GOLPH3L: variants seen among roughly 807,000 people sequenced by gnomAD.
GOLPH3L encodes the protein golgi phosphoprotein 3 like.
Under a neutral mutation model 30.3 loss-of-function variants are expected in GOLPH3L, and 22 were observed. The ratio of observed to expected loss-of-function variants is 0.73; its 90% CI spans 0.52 to 1.04. The LOEUF (loss-of-function observed/expected upper bound fraction) is 1.04, where lower values mean the gene tolerates loss of function less well. Among genes scored for constraint, GOLPH3L ranks in the 50% least tolerant of loss-of-function variants. GOLPH3L has a pLI of 0.00. For synonymous variants in GOLPH3L, 120 were observed against 128.2 expected (o/e 0.94, Z 0.43); for missense variants, 303 against 345.8 (o/e 0.88, Z 0.98).
chr1:150,656,825 C>T (rs984116275), intron 4 of GOLPH3L, among the ~76,000 whole-genome samples: 3 of 152,064 alleles, frequency 2.0e-5, no homozygotes, highest in South Asian at 2.1e-4. Context: ...TGGGTATTCT[C>T]GATAATCATT....
In GOLPH3L at chr1:150,694,864, T is replaced by TG. The variant is rs753366179; in HGVS notation, c.-12-15dup. ...TCTCACCTGTTTCTGGAGGGAGTGGTGAAAAAAAAAATCCATATGTATGCT... is the reference window on the plus strand; with the variant it reads ...TCTCACCTGTTTCTGGAGGGAGTGGTGGAAAAAAAAAATCCATATGTATGCT... On this transcript the variant is annotated splice_polypyrimidine_tract_variant and intron_variant, in intron 1 of 4. Coordinates refer to ENST00000271732, the MANE Select transcript of GOLPH3L (RefSeq NM_018178.6). The TG allele has an allele frequency of 3.7e-5, 55 of 1,498,726 alleles. No individual in the cohort carries two copies. Among genetic ancestry groups the TG allele is most frequent in the Non-Finnish European group, 4.9e-5 (54 of 1,106,424 alleles). 92.8% of individuals were successfully genotyped at this position (1,498,726 alleles called of 1,614,324 possible). A position where few individuals can be genotyped will look rare whatever the true frequency, so the allele number is the denominator to read the frequency against.
At chr1:150,665,303 A>G (rs1353255298) in intron 2 of GOLPH3L, among the ~76,000 whole-genome samples, 1 of 151,904 alleles carries the variant, frequency 6.6e-6, no homozygotes, top group Non-Finnish European at 1.5e-5. Context: ...CTGATAGATC[A>G]TAGTTGTGCA....
At position 150,678,322 on chromosome 1, in the gene GOLPH3L, T is replaced by C. The variant is rs910152178; in HGVS notation, c.184-14559A>G. On this transcript the variant is annotated intron_variant, in intron 2 of 4. Coordinates refer to ENST00000271732, the MANE Select transcript of GOLPH3L (RefSeq NM_018178.6). ...AAAAAAAAAAAGGACAAATGTCCTATAAATTCCTTTCTAAGATTTAAAAAA... is the reference window on the plus strand; with the variant it reads ...AAAAAAAAAAAGGACAAATGTCCTACAAATTCCTTTCTAAGATTTAAAAAA... 7.3e-5 allele frequency among the ~76,000 whole-genome samples: 10 copies of C among 136,658 alleles called. No individual in the cohort carries two copies. In the South Asian group the frequency reaches 1.3e-3, roughly 17 times the overall value. The allele number at this position is 136,658 out of a possible 152,430, so 89.7% of individuals were successfully genotyped here.
At chr1:150,679,081 A>G (rs1355222980) in intron 2 of GOLPH3L, among the ~76,000 whole-genome samples, 1 of 152,200 alleles carries the variant, frequency 6.6e-6, no homozygotes, top group Non-Finnish European at 1.5e-5. Flanking sequence ...AAACAGGAAA[A>G]ACAAGTTTGT....
At position 150,695,903 on chromosome 1, in the gene GOLPH3L, TA is replaced by T. The variant is rs376369186; in HGVS notation, c.-12-1054del. On this transcript the variant is annotated intron_variant, in intron 1 of 4. Transcript: ENST00000271732. ...GAAAGATTAACAAATTTTCTCAATT[TA>T]AAAAAAAAAGTCAAAGAACATGTCT... Among the ~76,000 whole-genome samples the T allele has an allele frequency of 1.1e-3, 171 of 148,750 alleles. 2 individuals are homozygous for T. In the South Asian group the frequency reaches 0.024, roughly 21 times the overall value.
At chr1:150,655,851 C>T (rs1042317258) in intron 4 of GOLPH3L, among the ~76,000 whole-genome samples, 6 of 152,198 alleles carry the variant, frequency 3.9e-5, no homozygotes, top group Admixed American at 1.3e-4. Flanking sequence ...ACAGCCAGGA[C>T]GGCCTTCTCC....
chr1:150,648,560 C>A lies in GOLPH3L; in HGVS notation c.619G>T (p.Val207Leu). The change falls in exon 5 of 5, where the codon GTA becomes TTA. Residue 207 changes from valine to leucine, a missense_variant. Coordinates refer to ENST00000271732, the MANE Select transcript of GOLPH3L (RefSeq NM_018178.6). ...GGGTCATTTACCCACCGCTCTAGTA[C>A]ACTATCTTGAAGTTTTTTCACTAGT... ...QRLVKKLQDS[V>L]LERWVNDPQR... is the part of the protein sequence containing the mutation. 6.2e-7 allele frequency: 1 copy of A among 1,613,924 alleles called. No individual in the cohort carries two copies. Among genetic ancestry groups the A allele is most frequent in the South Asian group, 1.1e-5 (1 of 91,074 alleles).
chr1:150,673,368 G>C (rs778569385), intron 2 of GOLPH3L, among the ~76,000 whole-genome samples: 1 of 151,676 alleles, frequency 6.6e-6, no homozygotes, highest in Admixed American at 6.6e-5. Context: ...TCGAGACCAG[G>C]GTGGCCAACA....
At chr1:150,663,234 A>G (rs1650415027) in intron 3 of GOLPH3L, among the ~76,000 whole-genome samples, 2 of 151,546 alleles carry the variant, frequency 1.3e-5, no homozygotes, top group African/African-American at 2.4e-5. Context: ...TAGAGATGGG[A>G]TTTCACCGTG....
chr1:150,649,191 A>G (rs1254450673), intron 4 of GOLPH3L, among the ~76,000 whole-genome samples: 1 of 152,186 alleles, frequency 6.6e-6, no homozygotes, highest in African/African-American at 2.4e-5. Flanking sequence ...TTAGACTTCA[A>G]TTGCTCCCAT....
At chr1:150,687,341 G>C (rs1361147446) in intron 2 of GOLPH3L, among the ~76,000 whole-genome samples, 1 of 152,014 alleles carries the variant, frequency 6.6e-6, no homozygotes, top group Non-Finnish European at 1.5e-5. Flanking sequence ...ACTTTGGGAG[G>C]TCGAGGCAGG....
intron 2 of GOLPH3L, among the ~76,000 whole-genome samples, chr1:150,671,594 G>A (rs1321455699): frequency 6.6e-6 from 1 of 151,940 alleles, no homozygotes; most frequent in African/African-American, 2.4e-5. Flanking sequence ...ATCACCTAAG[G>A]TCAGAGTTTG....
At chr1:150,692,217 C>T (rs192927076) in intron 2 of GOLPH3L, among the ~76,000 whole-genome samples, 9 of 152,108 alleles carry the variant, frequency 5.9e-5, no homozygotes, top group Non-Finnish European at 1.0e-4. Flanking sequence ...ATGTAACTGG[C>T]CTTTTGTAAC....
At chr1:150,687,923 G>C (rs995372430) in intron 2 of GOLPH3L, among the ~76,000 whole-genome samples, 2 of 152,138 alleles carry the variant, frequency 1.3e-5, no homozygotes, top group Non-Finnish European at 2.9e-5. Context: ...TAATCAGGAT[G>C]AACTGGATTA....
intron 2 of GOLPH3L, among the ~76,000 whole-genome samples, chr1:150,669,405 T>G (rs990179325): frequency 6.6e-6 from 1 of 152,200 alleles, no homozygotes; most frequent in Non-Finnish European, 1.5e-5. Context: ...TTCCTCTTAG[T>G]GTATCTATCT....
At chr1:150,653,139 A>C (rs942093134) in intron 4 of GOLPH3L, among the ~76,000 whole-genome samples, 2 of 151,200 alleles carry the variant, frequency 1.3e-5, no homozygotes, top group Non-Finnish European at 2.9e-5. Flanking sequence ...ACAAAACAAA[A>C]AACAACAACA....
chr1:150,694,880 T>C (rs1651313616), intron 1 of GOLPH3L, 30 bp from the exon 2 acceptor site: 1 of 1,131,028 alleles, frequency 8.8e-7, no homozygotes. Context: ...AAAAAATCCA[T>C]ATGTATGCTT....
At chr1:150,670,807 G>A (rs920168882) in intron 2 of GOLPH3L, among the ~76,000 whole-genome samples, 2 of 152,050 alleles carry the variant, frequency 1.3e-5, no homozygotes, top group Admixed American at 1.3e-4. Flanking sequence ...ATTATTCTGG[G>A]TATCATTCCA....
intron 2 of GOLPH3L, among the ~76,000 whole-genome samples, chr1:150,683,610 C>A (rs1482612602): frequency 1.5e-5 from 2 of 134,378 alleles, no homozygotes; most frequent in Non-Finnish European, 3.1e-5. Flanking sequence ...GGCTGAGGTA[C>A]CAGAAGTACT....
Sources: allele counts gnomAD v4.1 joint callset (sites outside exome capture counted in the v4.1 genomes callset), GRCh38; gene constraint gnomAD v4.1.1; transcripts MANE v1.5; gene names NCBI Gene and HGNC (gene_info 2026-07-23, HGNC 2026-07-21).